The following HECW1 variants were observed in gnomAD, a reference collection of about 807,000 sequenced individuals.
The protein encoded by HECW1 is E3 ubiquitin-protein ligase HECW1.
HECW1 carries 61 observed loss-of-function variants against 182.3 expected under a neutral mutation model. The ratio of observed to expected loss-of-function variants is 0.33; its 90% CI spans 0.27 to 0.41. The LOEUF (loss-of-function observed/expected upper bound fraction) is 0.41. Among genes scored for constraint, HECW1 ranks in the 10% least tolerant of loss-of-function variants. The pLI, the probability that HECW1 is intolerant of heterozygous loss-of-function variation, is 1.00. For missense variants in HECW1, 1,739 were observed against 2,108.9 expected (o/e 0.82, Z 3.44); for synonymous variants, 859 against 832.6 (o/e 1.03, Z -0.55).
intron 2 of HECW1, among the ~76,000 whole-genome samples, chr7:43,219,885 C>T (rs745976686): frequency 1.3e-4 from 20 of 152,098 alleles, no homozygotes; most frequent in Non-Finnish European, 2.6e-4. Flanking sequence ...CCCTTACTAC[C>T]ACAAAAGGTT....
chr7:43,398,620 A>C (rs1327915394), intron 7 of HECW1, among the ~76,000 whole-genome samples: 1 of 152,152 alleles, frequency 6.6e-6, no homozygotes, highest in Non-Finnish European at 1.5e-5. Context: ...CTGAAGAAAA[A>C]AAAAAAGAAG....
intron 11 of HECW1, among the ~76,000 whole-genome samples, chr7:43,447,857 G>A (rs534588074): frequency 6.6e-6 from 1 of 152,290 alleles, no homozygotes; most frequent in African/African-American, 2.4e-5. Context: ...TGGGTGTGTG[G>A]GCTCACGCCT....
chr7:43,510,395 T>C (rs1432489599), intron 24 of HECW1: 1 of 152,208 alleles, frequency 6.6e-6, no homozygotes, highest in Non-Finnish European at 1.5e-5. Context: ...TCATCAAATA[T>C]CTTACCATAT....
chr7:43,285,648 A>T (rs1804547590), intron 3 of HECW1, among the ~76,000 whole-genome samples: 1 of 152,140 alleles, frequency 6.6e-6, no homozygotes, highest in Non-Finnish European at 1.5e-5. Context: ...CATCTTTATT[A>T]AAAAATTTTT....
chr7:43,121,212 C>T (rs1785575703), intron 2 of HECW1, among the ~76,000 whole-genome samples: 1 of 152,112 alleles, frequency 6.6e-6, no homozygotes, highest in Non-Finnish European at 1.5e-5. Context: ...AGCAAGTAGA[C>T]CCGGCAACTC....
chr7:43,394,423 AG>A (rs1234560337), intron 6 of HECW1, among the ~76,000 whole-genome samples: 2 of 152,200 alleles, frequency 1.3e-5, no homozygotes, highest in African/African-American at 4.8e-5. Flanking sequence ...ATGCATAGAA[AG>A]CCAATCACTG....
chr7:43,228,856 T>C (rs1797650594), intron 2 of HECW1, among the ~76,000 whole-genome samples: 1 of 152,174 alleles, frequency 6.6e-6, no homozygotes, highest in Non-Finnish European at 1.5e-5. Context: ...TTATTAAAAT[T>C]GGAATATAAA....
At chr7:43,431,313 T>C (rs1044112347) in intron 8 of HECW1, among the ~76,000 whole-genome samples, 16 of 152,176 alleles carry the variant, frequency 1.1e-4, no homozygotes, top group Non-Finnish European at 2.1e-4. Flanking sequence ...TTCTGTTCCT[T>C]CATTGCTTTG....
intron 18 of HECW1, 115 bp downstream of exon 18, chr7:43,492,295 T>C (rs2078962086): frequency 1.4e-6 from 1 of 712,448 alleles, no homozygotes; most frequent in Non-Finnish European, 2.4e-6. Context: ...ACATTCTGTC[T>C]TTCCTTTCTC....
At chr7:43,454,782 T>G (rs2077344502) in intron 12 of HECW1, among the ~76,000 whole-genome samples, 1 of 152,250 alleles carries the variant, frequency 6.6e-6, no homozygotes, top group Admixed American at 6.5e-5. Flanking sequence ...ACCTGAATGA[T>G]AAGTTTTCAA....
chr7:43,336,144 T>TTTCTCTCTCTC (rs1812213444), intron 5 of HECW1, among the ~76,000 whole-genome samples: 1 of 51,924 alleles, frequency 1.9e-5, no homozygotes, highest in Non-Finnish European at 3.7e-5. Context: ...CTCTCTCTCT[T>TTTCTCTCTCTC]TCTCTCTCTC....
rs116904922 is a variant in HECW1 at position 43,158,227 on chromosome 7, C to T, written c.-32+43836C>T. On this transcript the variant is annotated intron_variant, in intron 2 of 29. Coordinates refer to ENST00000395891, the MANE Select transcript of HECW1 (RefSeq NM_015052.5). ...CAAGGTAAAAGGCAATACAGGTTGA[C>T]CAATATGGGTGGTTATTATACATAA... 2.6e-3 allele frequency among the ~76,000 whole-genome samples: 396 copies of T among 152,254 alleles called. 1 individual carries two copies. The highest frequency in any genetic ancestry group is 4.6e-3 in the Non-Finnish European group (312 of 68,020).
rs141223551 is a variant in HECW1 at position 43,517,606 on chromosome 7, A to G, written c.4019+8485A>G. 3.0e-4 allele frequency among the ~76,000 whole-genome samples: 46 copies of G among 152,244 alleles called. No individual in the cohort carries two copies. The East Asian group carries it at 8.9e-3, about 29-fold the overall frequency. On this transcript the variant is annotated intron_variant, in intron 24 of 29. Transcript: ENST00000395891. Reference sequence around the variant, plus strand: ...TGAATTAGTAGGTAGAAACCACAACATTATGAGATCCCACTGGGTGTCTCA... The same window carrying G: ...TGAATTAGTAGGTAGAAACCACAACGTTATGAGATCCCACTGGGTGTCTCA...
At chr7:43,389,167 C>A (rs552301838) in intron 6 of HECW1, among the ~76,000 whole-genome samples, 57 of 152,318 alleles carry the variant, frequency 3.7e-4, no homozygotes, top group African/African-American at 1.3e-3. Flanking sequence ...TTAGAGACAA[C>A]TTTAAGATGT....
rs60593140 is a variant in HECW1, at chr7:43,308,371, T to A, written c.28-3392T>A. On this transcript the variant is annotated intron_variant, in intron 3 of 29. Transcript: ENST00000395891. ...ATATATTTATATATAATATAACATA[T>A]AATATATTTATATATATATAAAATC... is the stretch of plus-strand genomic sequence containing the variant. 3.6e-3 allele frequency among the ~76,000 whole-genome samples: 496 copies of A among 138,456 alleles called. 3 individuals carry two copies. The highest frequency in any genetic ancestry group is 0.013 in the African/African-American group (477 of 37,416). The allele number at this position is 138,456 out of a possible 152,430, so 90.8% of individuals were successfully genotyped here.
chr7:43,519,438 G>T (rs957785113), intron 24 of HECW1, among the ~76,000 whole-genome samples: 5 of 152,142 alleles, frequency 3.3e-5, no homozygotes, highest in African/African-American at 9.7e-5. Context: ...TAGAGACGGG[G>T]TTTCACTATT....
rs148710863 is a variant in HECW1 at position 43,331,034 on chromosome 7, G to A, written c.460+10292G>A. Among the ~76,000 whole-genome samples the A allele has an allele frequency of 2.5e-3, 377 of 151,836 alleles. 13 individuals are homozygous for A. The South Asian group carries it at 0.054, about 22-fold the overall frequency. ...AAGTCCTAGGGTACATGTGCACAAC[G>A]TGCAGGTTTGTTACATACGTATACA... On this transcript the variant is annotated intron_variant, in intron 5 of 29. Transcript: ENST00000395891.
chr7:43,479,518 G>T, intron 16 of HECW1, 92 bp from the exon 17 acceptor site: 1 of 1,454,070 alleles, frequency 6.9e-7, no homozygotes, highest in African/African-American at 1.4e-5. Flanking sequence ...TAAACCTGAG[G>T]CCTGGGCCCT....
chr7:43,555,705 A>C (rs1585292811), intron 29 of HECW1, among the ~76,000 whole-genome samples: 1 of 152,316 alleles, frequency 6.6e-6, no homozygotes, highest in East Asian at 1.9e-4. Context: ...GGTGTCGGTC[A>C]GCATTCATGG....
Sources: allele counts gnomAD v4.1 joint callset (sites outside exome capture counted in the v4.1 genomes callset), GRCh38; gene constraint gnomAD v4.1.1; transcripts MANE v1.5; gene names NCBI Gene and HGNC (gene_info 2026-07-23, HGNC 2026-07-21).